The following SORCS1 variants were observed in gnomAD, a reference collection of about 807,000 sequenced individuals.
SORCS1 encodes VPS10 domain-containing receptor SorCS1.
In SORCS1, 60 loss-of-function variants were observed where a neutral mutation model predicts 146.1. The observed-to-expected ratio is 0.41, with a 90% CI of 0.33 to 0.51. The LOEUF (loss-of-function observed/expected upper bound fraction) is 0.51. Among genes scored for constraint, SORCS1 ranks in the 20% least tolerant of loss-of-function variants. The pLI is 0.21. For synonymous variants in SORCS1, 637 were observed against 584.0 expected (o/e 1.09, Z -1.31); for missense variants, 1,352 against 1,487.6 (o/e 0.91, Z 1.50).
chr10:106,933,038 C>T (rs1401390862), intron 2 of SORCS1, among the ~76,000 whole-genome samples: 1 of 152,134 alleles, frequency 6.6e-6, no homozygotes. Flanking sequence ...ACAGCACGAT[C>T]GTGTTCAGGT....
intron 2 of SORCS1, among the ~76,000 whole-genome samples, chr10:106,901,314 T>G (rs1012092322): frequency 2.0e-5 from 3 of 152,208 alleles, no homozygotes; most frequent in Admixed American, 6.5e-5. Flanking sequence ...GTAATTTTTA[T>G]GCAAACCAGA....
intron 3 of SORCS1, among the ~76,000 whole-genome samples, chr10:106,824,546 G>T (rs1442110631): frequency 6.7e-6 from 1 of 148,974 alleles, no homozygotes; most frequent in African/African-American, 2.5e-5. Context: ...CCGAGATTGT[G>T]CCACTGCACT....
intron 1 of SORCS1, among the ~76,000 whole-genome samples, chr10:107,009,962 T>C (rs918990946): frequency 2.3e-4 from 35 of 152,180 alleles, no homozygotes; most frequent in African/African-American, 8.0e-4. Flanking sequence ...AGAAGACTAG[T>C]AGAAAAACTG....
intron 24 of SORCS1, among the ~76,000 whole-genome samples, chr10:106,586,442 G>A (rs1186990585): frequency 6.7e-6 from 1 of 150,058 alleles, no homozygotes; most frequent in Non-Finnish European, 1.5e-5. Context: ...AATTTCTCTT[G>A]ACTATCTGCC....
At chr10:106,751,413 GCTTT>G (rs1395220625) in intron 5 of SORCS1, among the ~76,000 whole-genome samples, 2 of 152,138 alleles carry the variant, frequency 1.3e-5, no homozygotes, top group Non-Finnish European at 2.9e-5. Context: ...AAAGAAAAGG[GCTTT>G]CTGAGTTCTT....
At chr10:106,908,336 T>C (rs1202356521) in intron 2 of SORCS1, among the ~76,000 whole-genome samples, 1 of 152,180 alleles carries the variant, frequency 6.6e-6, no homozygotes, top group East Asian at 1.9e-4. Context: ...ATTGAGTTGT[T>C]CTAAGAAGTT....
At chr10:106,903,349 C>A (rs897947448) in intron 2 of SORCS1, among the ~76,000 whole-genome samples, 1 of 152,160 alleles carries the variant, frequency 6.6e-6, no homozygotes, top group Non-Finnish European at 1.5e-5. Context: ...CAAGGCCATA[C>A]ATCTGGTAAT....
At chr10:106,623,539 C>T (rs565757943) in intron 19 of SORCS1, among the ~76,000 whole-genome samples, 48 of 152,002 alleles carry the variant, frequency 3.2e-4, no homozygotes, top group East Asian at 7.8e-4. Flanking sequence ...CCACCACGCC[C>T]GGCTGAGCAT....
chr10:106,829,796 T>C, intron 2 of SORCS1, 123 bp from the exon 3 acceptor site: 1 of 581,278 alleles, frequency 1.7e-6, no homozygotes, highest in Non-Finnish European at 3.0e-6. Flanking sequence ...TCATGTAGTA[T>C]ATAATGATGC....
chr10:107,095,690 T>C (rs887756862), intron 1 of SORCS1, among the ~76,000 whole-genome samples: 2 of 152,108 alleles, frequency 1.3e-5, no homozygotes, highest in African/African-American at 4.8e-5. Flanking sequence ...ATCCACTCTA[T>C]ATGTAAGGGC....
At chr10:106,669,380 T>C (rs1181973481) in intron 16 of SORCS1, among the ~76,000 whole-genome samples, 1 of 152,142 alleles carries the variant, frequency 6.6e-6, no homozygotes, top group Non-Finnish European at 1.5e-5. Flanking sequence ...TTTTTCTCTT[T>C]GGTTTTCTAC....
At chr10:107,128,445 T>C (rs1029032390) in intron 1 of SORCS1, among the ~76,000 whole-genome samples, 6 of 152,216 alleles carry the variant, frequency 3.9e-5, no homozygotes, top group Non-Finnish European at 7.3e-5. Flanking sequence ...TTTGAAATCA[T>C]CAGTCCTGTA....
intron 2 of SORCS1, among the ~76,000 whole-genome samples, chr10:106,867,183 C>A (rs1950250000): frequency 2.0e-5 from 3 of 151,944 alleles, no homozygotes; most frequent in African/African-American, 7.3e-5. Flanking sequence ...TAAAGGCAGC[C>A]AGAGAAAAAA....
At chr10:106,976,717 C>T (rs1325038698) in intron 1 of SORCS1, among the ~76,000 whole-genome samples, 6 of 152,072 alleles carry the variant, frequency 3.9e-5, no homozygotes, top group East Asian at 1.9e-4. Flanking sequence ...CAATTGGCTC[C>T]GGTGTGTGTT....
Position 107,164,628 on chromosome 10 carries a change from C to T in SORCS1, c.-102G>A. ...GGGGCCGGCGCTCAGGACCCCAACT[C>T]CATCCAAGTTGCGCCGCGGTGGGGG... On this transcript the variant is annotated 5_prime_UTR_variant, in exon 1 of 26. Coordinates refer to ENST00000263054, the MANE Select transcript of SORCS1 (RefSeq NM_052918.5). This position sits in a 1 kb window ranked among gnomAD's most constrained non-coding sequence, Gnocchi z 6.8. 1 of 991,486 alleles carries T rather than the reference C, an allele frequency of 1.0e-6. No individual in the cohort carries two copies. The highest frequency in any genetic ancestry group is 1.3e-6 in the Non-Finnish European group (1 of 761,552). 61.4% of individuals were successfully genotyped at this position (991,486 alleles called of 1,614,324 possible). A position where few individuals can be genotyped will look rare whatever the true frequency, so the allele number is the denominator to read the frequency against.
At chr10:106,889,694 TC>T (rs1416691562) in intron 2 of SORCS1, among the ~76,000 whole-genome samples, 1 of 151,908 alleles carries the variant, frequency 6.6e-6, no homozygotes, top group Non-Finnish European at 1.5e-5. Flanking sequence ...GGTCAGGAGA[TC>T]AAGACCATCC....
At chr10:106,760,716 C>CACACACACTA (rs1859037594) in intron 5 of SORCS1, among the ~76,000 whole-genome samples, 1 of 96,706 alleles carries the variant, frequency 1.0e-5, no homozygotes, top group East Asian at 7.1e-4. Flanking sequence ...CACTAACACA[C>CACACACACTA]ACACACACAC....
At chr10:106,596,175 C>T (rs935604621) in intron 24 of SORCS1, among the ~76,000 whole-genome samples, 2 of 152,122 alleles carry the variant, frequency 1.3e-5, no homozygotes, top group Non-Finnish European at 2.9e-5. Flanking sequence ...GTCTCTCTCT[C>T]TATAAGCATT....
intron 3 of SORCS1, among the ~76,000 whole-genome samples, chr10:106,786,682 A>G (rs1193102608): frequency 1.3e-5 from 2 of 152,140 alleles, no homozygotes; most frequent in Non-Finnish European, 2.9e-5. Context: ...ACACACACAC[A>G]AACACACACA....
Sources: allele counts gnomAD v4.1 joint callset (sites outside exome capture counted in the v4.1 genomes callset), GRCh38; gene constraint gnomAD v4.1.1; non-coding constraint Gnocchi (gnomAD v3.1); transcripts MANE v1.5; gene names NCBI Gene and HGNC (gene_info 2026-07-23, HGNC 2026-07-21).